The following PCDH15 variants were observed in gnomAD, a reference collection of about 807,000 sequenced individuals.
The protein encoded by PCDH15 is protocadherin-15.
A neutral mutation model predicts 178.5 loss-of-function variants in PCDH15; 129 were observed. The ratio of observed to expected loss-of-function variants is 0.72; its 90% CI spans 0.63 to 0.84. The LOEUF is 0.84. Among genes scored for constraint, PCDH15 ranks in the 40% least tolerant of loss-of-function variants. PCDH15 has a pLI of 0.00. For synonymous variants in PCDH15, 800 were observed against 732.0 expected (o/e 1.09, Z -1.50); for missense variants, 2,230 against 2,099.9 (o/e 1.06, Z -1.21).
In PCDH15 at chr10:54,083,705, G is replaced by A. The variant is rs1261587498; in HGVS notation, c.1998-4281C>T. Reference sequence around the variant, plus strand: ...TGAAGCTATTTTAGAACTAGACAGAGTTGGTAGGTGCATGAGTTCTGAATC... The same window carrying A: ...TGAAGCTATTTTAGAACTAGACAGAATTGGTAGGTGCATGAGTTCTGAATC... On this transcript the variant is annotated intron_variant, in intron 16 of 37. Coordinates refer to ENST00000644397, the MANE Select transcript of PCDH15 (RefSeq NM_001384140.1). 3.3e-5 allele frequency among the ~76,000 whole-genome samples: 5 copies of A among 152,262 alleles called. No individual in the cohort carries two copies. In the East Asian group the frequency reaches 9.7e-4, roughly 30 times the overall value.
At chr10:54,781,429 A>G (rs909380174) in intron 1 of PCDH15, among the ~76,000 whole-genome samples, 5 of 152,120 alleles carry the variant, frequency 3.3e-5, no homozygotes, top group East Asian at 1.9e-4. Flanking sequence ...GACACTTAAC[A>G]TATTTCTTTG....
At chr10:55,481,429 T>C (rs1840178705) in intron 2 of PCDH15, among the ~76,000 whole-genome samples, 2 of 151,496 alleles carry the variant, frequency 1.3e-5, no homozygotes. Context: ...CAATGTTGGG[T>C]TGCTGACTTG....
intron 2 of PCDH15, among the ~76,000 whole-genome samples, chr10:55,417,875 T>G (rs1049063738): frequency 4.0e-5 from 6 of 151,402 alleles, no homozygotes; most frequent in Admixed American, 6.6e-5. Flanking sequence ...CATCTTATTG[T>G]TTTTAACAAG....
intron 2 of PCDH15, among the ~76,000 whole-genome samples, chr10:54,655,290 G>GAGAGAGAC (rs2094366526): frequency 1.6e-5 from 2 of 126,218 alleles, no homozygotes; most frequent in Non-Finnish European, 3.5e-5. Context: ...GAGAGAGAGA[G>GAGAGAGAC]AGAGAGAGAG....
chr10:53,990,499 T>C (rs2091392023), intron 21 of PCDH15, among the ~76,000 whole-genome samples: 2 of 124,708 alleles, frequency 1.6e-5, no homozygotes, highest in South Asian at 2.4e-4. Context: ...TCTCACAATG[T>C]TATATATATG....
chr10:54,742,222 C>T (rs1048532917), intron 1 of PCDH15, among the ~76,000 whole-genome samples: 3 of 151,966 alleles, frequency 2.0e-5, no homozygotes, highest in South Asian at 2.1e-4. Flanking sequence ...TCTGTGTGGT[C>T]ATGAAAGAAG....
intron 2 of PCDH15, among the ~76,000 whole-genome samples, chr10:55,326,840 T>A (rs1221500492): frequency 6.6e-6 from 1 of 152,078 alleles, no homozygotes; most frequent in Non-Finnish European, 1.5e-5. Flanking sequence ...TTCTCAAAGA[T>A]AAATACTCAG....
At chr10:55,305,227 C>A (rs1843389579) in intron 1 of PCDH15, among the ~76,000 whole-genome samples, 1 of 152,182 alleles carries the variant, frequency 6.6e-6, no homozygotes, top group Non-Finnish European at 1.5e-5. Context: ...AAACTTTGGG[C>A]TAGATGACTA....
chr10:54,482,456 T>C (rs1379418695), intron 3 of PCDH15, among the ~76,000 whole-genome samples: 1 of 151,828 alleles, frequency 6.6e-6, no homozygotes, highest in African/African-American at 2.4e-5. Context: ...TCAATAAAAA[T>C]GATACTTTAT....
At chr10:54,156,620 C>T (rs142004166) in intron 13 of PCDH15, among the ~76,000 whole-genome samples, 31 of 152,296 alleles carry the variant, frequency 2.0e-4, no homozygotes, top group Non-Finnish European at 3.8e-4. Flanking sequence ...ACATCCAAAC[C>T]ATATCATTCC....
intron 15 of PCDH15, among the ~76,000 whole-genome samples, chr10:54,102,594 C>A (rs2094832544): frequency 6.6e-6 from 1 of 152,170 alleles, no homozygotes; most frequent in African/African-American, 2.4e-5. Context: ...TGGCATTAAT[C>A]TCTGCAAACC....
intron 2 of PCDH15, among the ~76,000 whole-genome samples, chr10:54,577,262 T>TG (rs1187755192): frequency 6.6e-6 from 1 of 150,734 alleles, no homozygotes; most frequent in Non-Finnish European, 1.5e-5. Flanking sequence ...TTTTTTTTTT[T>TG]TTGTAATTTT....
chr10:54,902,735 C>G lies in PCDH15; in HGVS notation c.-79-5235G>C, dbSNP rs202193110. On this transcript the variant is annotated intron_variant, in intron 2 of 5. Transcript: ENST00000458638. ...TGAGGATGTATATTTGCTCTCTCCC[C>G]CAAATGGTTGTAATCTGCTCTAGAT... Among the ~76,000 whole-genome samples, 8 of 152,242 alleles carry G rather than the reference C, an allele frequency of 5.3e-5. No homozygotes were observed. The South Asian group carries it at 8.3e-4, about 16-fold the overall frequency.
chr10:55,167,471 T>C (rs1253667456), intron 1 of PCDH15, among the ~76,000 whole-genome samples: 1 of 152,134 alleles, frequency 6.6e-6, no homozygotes. Flanking sequence ...TACCAATAAT[T>C]TTATTATTGC....
intron 21 of PCDH15, among the ~76,000 whole-genome samples, chr10:53,974,127 C>T (rs1442673341): frequency 2.0e-5 from 3 of 152,138 alleles, no homozygotes; most frequent in African/African-American, 7.2e-5. Flanking sequence ...AAATGATTCT[C>T]GTTCCTTAGC....
intron 2 of PCDH15, among the ~76,000 whole-genome samples, chr10:54,964,864 C>T (rs1838743236): frequency 6.6e-6 from 1 of 152,112 alleles, no homozygotes. Context: ...ACTAGGAAGG[C>T]ACTAATGAAT....
chr10:54,072,677 A>C (rs989982427), intron 17 of PCDH15, among the ~76,000 whole-genome samples: 2 of 152,136 alleles, frequency 1.3e-5, no homozygotes, highest in Non-Finnish European at 2.9e-5. Context: ...GGAAACTAAG[A>C]GAAATTTGGG....
intron 14 of PCDH15, among the ~76,000 whole-genome samples, chr10:54,150,258 G>T (rs1406811670): frequency 2.0e-5 from 3 of 151,986 alleles, no homozygotes; most frequent in Admixed American, 2.0e-4. Flanking sequence ...TATTGAGGAG[G>T]AGGAAATCTA....
intron 18 of PCDH15, among the ~76,000 whole-genome samples, chr10:54,049,071 T>C (rs372886427): frequency 1.3e-5 from 2 of 152,256 alleles, no homozygotes; most frequent in South Asian, 2.1e-4. Context: ...GGTCTCCTTG[T>C]AGCAATCTTC....
Sources: allele counts gnomAD v4.1 joint callset (sites outside exome capture counted in the v4.1 genomes callset), GRCh38; gene constraint gnomAD v4.1.1; transcripts MANE v1.5; gene names NCBI Gene and HGNC (gene_info 2026-07-23, HGNC 2026-07-21).